Variants in ITIH2 observed in about 807,000 individuals in gnomAD.
ITIH2 encodes the protein inter-alpha-trypsin inhibitor heavy chain 2.
In ITIH2, 103 loss-of-function variants were observed where a neutral mutation model predicts 104.4. That is an observed-to-expected ratio of 0.99 (90% CI 0.84 to 1.16). ITIH2 has a LOEUF of 1.16. Ranked by LOEUF, ITIH2 falls within the 50% of genes most tolerant of loss-of-function variation. The pLI is 0.00. For synonymous variants in ITIH2, 436 were observed against 435.4 expected, an observed-to-expected ratio of 1.00 and a Z score of -0.02; for missense variants, 1,108 against 1,162.4, an observed-to-expected ratio of 0.95 and a Z score of 0.68.
At chr10:7,713,587 T>C (rs922037194) in intron 5 of ITIH2, among the ~76,000 whole-genome samples, 3 of 152,196 alleles carry the variant, frequency 2.0e-5, no homozygotes, top group Admixed American at 2.0e-4. Context: ...ACTACAGAAA[T>C]ATTGGTGATC....
intron 10 of ITIH2, 113 bp from the exon 11 acceptor site, chr10:7,727,589 CA>C: frequency 1.6e-6 from 2 of 1,235,796 alleles, no homozygotes; most frequent in Non-Finnish European, 2.3e-6. Flanking sequence ...ATGATTTTGG[CA>C]TGGAATAAGT....
At chr10:7,722,396 G>C (rs2130948426) in intron 8 of ITIH2, among the ~76,000 whole-genome samples, 1 of 152,302 alleles carries the variant, frequency 6.6e-6, no homozygotes, top group African/African-American at 2.4e-5. Context: ...AGGTGAGCCA[G>C]TCATCAAGCC....
At chr10:7,731,757 A>G in intron 12 of ITIH2, 54 bp from the exon 13 acceptor site, 2 of 1,194,338 alleles carry the variant, frequency 1.7e-6, no homozygotes, top group Non-Finnish European at 2.4e-6. Context: ...AAAATGCTTT[A>G]GATCTACAAA....
chr10:7,727,669 G>A (rs374174475), intron 10 of ITIH2, 34 bp from the exon 11 acceptor site: 17 of 1,609,952 alleles, frequency 1.1e-5, no homozygotes, highest in African/African-American at 2.7e-5. Context: ...TGGCGAGAAC[G>A]CATACCCAAC....
intron 4 of ITIH2, among the ~76,000 whole-genome samples, chr10:7,712,806 G>T (rs1486980921): frequency 6.6e-6 from 1 of 152,066 alleles, no homozygotes; most frequent in African/African-American, 2.4e-5. Flanking sequence ...TTGTTTGCTC[G>T]CTCTTGTTTG....
chr10:7,748,521 C>CTTTTTT lies in ITIH2; in HGVS notation c.2694-634_2694-629dup, dbSNP rs549517172. ...AGTTAAGAGGTGCCGCCAATGCATTCTTTTTTTTTTTTTTTTTTTTTTTTT... is the reference window on the plus strand; with the variant it reads ...AGTTAAGAGGTGCCGCCAATGCATTCTTTTTTTTTTTTTTTTTTTTTTTTTTTTTTT... On this transcript the variant is annotated intron_variant, in intron 20 of 20. Coordinates refer to ENST00000358415, the MANE Select transcript of ITIH2 (RefSeq NM_002216.3). 5.6e-3 allele frequency among the ~76,000 whole-genome samples: 151 copies of CTTTTTT among 27,128 alleles called. 53 individuals are homozygous for CTTTTTT. Among genetic ancestry groups the CTTTTTT allele is most frequent in the East Asian group, 6.5e-3 (4 of 620 alleles). The allele number at this position is 27,128 out of a possible 152,430, so 17.8% of individuals were successfully genotyped here. A position where few individuals can be genotyped will look rare whatever the true frequency, so the allele number is the denominator to read the frequency against.
At chr10:7,709,510 A>AT (rs1291812994) in intron 4 of ITIH2, among the ~76,000 whole-genome samples, 2 of 152,144 alleles carry the variant, frequency 1.3e-5, no homozygotes, top group African/African-American at 4.8e-5. Context: ...AGGAAACCAC[A>AT]TAAGAGCGTG....
chr10:7,729,404 T>G (rs1423451181), intron 11 of ITIH2, among the ~76,000 whole-genome samples: 2 of 152,250 alleles, frequency 1.3e-5, no homozygotes, highest in African/African-American at 2.4e-5. Context: ...CTGGAATCAG[T>G]CACTGGTTAC....
chr10:7,705,096 A>T lies in ITIH2; in HGVS notation c.85-12A>T, dbSNP rs765156673. 8.3e-6 allele frequency: 13 copies of T among 1,562,610 alleles called. No homozygotes were observed. The African/African-American group carries it at 1.2e-4, about 15-fold the overall frequency. ...TAAAAAAAAAAAAGTTAAAATCCTA[A>T]TTTTTTTTAAGTTTGTAGACTATGA... On this transcript the variant is annotated splice_polypyrimidine_tract_variant and intron_variant, in intron 1 of 20. Transcript: ENST00000358415.
At chr10:7,736,820 G>A (rs531736058) in intron 15 of ITIH2, among the ~76,000 whole-genome samples, 1 of 152,300 alleles carries the variant, frequency 6.6e-6, no homozygotes, top group South Asian at 2.1e-4. Flanking sequence ...ACTTGTATGG[G>A]CAGAAGTCCT....
At chr10:7,718,411 TA>T (rs1293546617) in intron 6 of ITIH2, among the ~76,000 whole-genome samples, 13 of 152,162 alleles carry the variant, frequency 8.5e-5, no homozygotes, top group East Asian at 5.8e-4. Flanking sequence ...GGCGCATCTT[TA>T]GGGGGGGAGG....
intron 14 of ITIH2, among the ~76,000 whole-genome samples, 193 bp downstream of exon 14, chr10:7,732,670 G>T (rs1835014971): frequency 6.6e-6 from 1 of 151,352 alleles, no homozygotes; most frequent in African/African-American, 2.5e-5. Context: ...CTTTATTGAG[G>T]TATAACATAC....
chr10:7,738,199 AAATATTATATATTATATTCTATAT>A (rs1334783602), intron 15 of ITIH2, among the ~76,000 whole-genome samples: 736 of 66,628 alleles, frequency 0.011, 1 homozygote, highest in Non-Finnish European at 0.013. Context: ...ATATTCTATA[AAATATTATATATTATATTCTATAT>A]AATATTATAT....
chr10:7,722,208 T>A (rs1834910993), intron 8 of ITIH2, among the ~76,000 whole-genome samples: 2 of 152,130 alleles, frequency 1.3e-5, no homozygotes, highest in African/African-American at 4.8e-5. Context: ...AAAGTTTCCT[T>A]TCCCCTTCAG....
intron 19 of ITIH2, among the ~76,000 whole-genome samples, chr10:7,745,794 G>A (rs546682772): frequency 7.3e-5 from 11 of 151,022 alleles, no homozygotes; most frequent in African/African-American, 1.9e-4. Flanking sequence ...CTCTCTTGTT[G>A]CCCAGGCTGG....
intron 1 of ITIH2, among the ~76,000 whole-genome samples, chr10:7,704,776 T>G (rs1375642957): frequency 4.6e-5 from 7 of 152,102 alleles, no homozygotes; most frequent in African/African-American, 1.7e-4. Context: ...TCTCTTTGGC[T>G]CTAGATCTTT....
At chr10:7,729,292 AACAAAGTGAG>A (rs750492707) in intron 11 of ITIH2, among the ~76,000 whole-genome samples, 11 of 152,104 alleles carry the variant, frequency 7.2e-5, no homozygotes, top group Non-Finnish European at 1.3e-4. Context: ...CAGCCTGGGC[AACAAAGTGAG>A]ACTCTGTCTC....
chr10:7,732,050 C>T, intron 13 of ITIH2, 54 bp downstream of exon 13: 1 of 1,382,686 alleles, frequency 7.2e-7, no homozygotes, highest in Non-Finnish European at 1.0e-6. Context: ...TAGATACAGT[C>T]CCTCTTGAAT....
At position 7,741,665 on chromosome 10, in the gene ITIH2, A is replaced by T. The variant is rs891598577; in HGVS notation, c.2096-1481A>T. The stretch of plus-strand genomic sequence containing the variant: ...AACTTTTAGTAACACTGCCACCAAC[A>T]ACTTTCCTAAAATGAGGGTCAAGTC... On this transcript the variant is annotated intron_variant, in intron 16 of 20. Transcript: ENST00000358415. Among the ~76,000 whole-genome samples the T allele has an allele frequency of 3.3e-5, 5 of 152,114 alleles. No homozygotes were observed. In the East Asian group the frequency reaches 9.6e-4, roughly 29 times the overall value.
Sources: allele counts gnomAD v4.1 joint callset (sites outside exome capture counted in the v4.1 genomes callset), GRCh38; gene constraint gnomAD v4.1.1; transcripts MANE v1.5; gene names NCBI Gene and HGNC (gene_info 2026-07-23, HGNC 2026-07-21).